The following CTSB variants were observed in gnomAD, a reference collection of about 807,000 sequenced individuals.
CTSB encodes the protein cathepsin B.
In CTSB, 57 loss-of-function variants were observed where a neutral mutation model predicts 44.3. That is an observed-to-expected ratio of 1.29 (90% CI 1.04 to 1.60). CTSB has a LOEUF of 1.60. Among genes scored for constraint, CTSB ranks in the 40% most tolerant of loss-of-function variants. The pLI, the probability that CTSB is intolerant of heterozygous loss-of-function variation, is 0.00. For missense variants in CTSB, 768 were observed against 443.0 expected (o/e 1.73, Z -6.59); for synonymous variants, 320 against 168.0 (o/e 1.91, Z -7.00).
rs755898446 is a variant in CTSB, at chr8:11,847,058, TGTAGAGCA to T, written c.779_786del (p.Leu260GlnfsTer41). ...ATCAGCCATCAGCACGCACCTGACT[TGTAGAGCA>T]GGAAGTCCGAATACACAGAGAAAGC... On this transcript the variant is annotated frameshift_variant, in exon 8 of 10. Coordinates refer to ENST00000353047, the MANE Select transcript of CTSB (RefSeq NM_001908.5). LOFTEE classifies it high-confidence loss of function. 6.3e-7 allele frequency: 1 copy of T among 1,586,232 alleles called. No individual in the cohort carries two copies. The highest frequency in any genetic ancestry group is 8.7e-7 in the Non-Finnish European group (1 of 1,154,766).
intron 1 of CTSB, among the ~76,000 whole-genome samples, chr8:11,866,602 G>A (rs1586218521): frequency 1.3e-5 from 2 of 152,312 alleles, no homozygotes; most frequent in South Asian, 2.1e-4. Context: ...TTCTTGGCCA[G>A]GCACCGTGAC....
intron 1 of CTSB, among the ~76,000 whole-genome samples, chr8:11,866,892 TTGGATTCAAAGAGAG>T (rs1000089744): frequency 1.2e-4 from 18 of 152,138 alleles, no homozygotes; most frequent in African/African-American, 4.3e-4. Context: ...TCCTGAACGT[TTGGATTCAAAGAGAG>T]TGCATCTCAG....
rs557940445 is a variant in CTSB, at chr8:11,847,490, A to G, written c.676+189T>C. ...GTTTGGAAGGGCTGAGGCTGAGTTC[A>G]GGGTGGAACAGGCAGAAAGTGGAGA... On this transcript the variant is annotated intron_variant, in intron 7 of 9. Transcript: ENST00000353047. Among the ~76,000 whole-genome samples, 26 of 152,296 alleles carry G rather than the reference A, an allele frequency of 1.7e-4. 1 individual carries two copies. Among genetic ancestry groups the G allele is most frequent in the African/African-American group, 6.3e-4 (26 of 41,558 alleles).
chr8:11,843,444 G>A lies in CTSB; in HGVS notation c.*1681C>T, dbSNP rs1458272743. On this transcript the variant is annotated 3_prime_UTR_variant, in exon 10 of 10. Transcript: ENST00000353047. ...GGGAGTACTGAGGTGTACCTTGGCA[G>A]GACAGTGGAATGATTGCTGGTTCTT... 1 of 152,250 alleles carries A rather than the reference G, an allele frequency of 6.6e-6. No individual in the cohort carries two copies. Among genetic ancestry groups the A allele is most frequent in the Non-Finnish European group, 1.5e-5 (1 of 68,060 alleles). The allele number at this position is 152,250 out of a possible 1,614,324, so 9.4% of individuals were successfully genotyped here.
chr8:11,844,147 G>GA lies in CTSB; in HGVS notation c.*977dup, dbSNP rs1812784835. 2.0e-5 allele frequency: 3 copies of GA among 152,246 alleles called. No homozygotes were observed. The highest frequency in any genetic ancestry group is 2.0e-4 in the Admixed American group (3 of 15,286). The allele number at this position is 152,246 out of a possible 1,614,324, so 9.4% of individuals were successfully genotyped here. On this transcript the variant is annotated 3_prime_UTR_variant, in exon 10 of 10. Transcript: ENST00000353047. ...GAGGATGACAGGGAACTAATTGGGG[G>GA]AGGGATGCCATGGTTGAAAACATGG...
At chr8:11,849,195 G>A in intron 4 of CTSB, 31 bp from the exon 5 acceptor site, 1 of 1,581,748 alleles carries the variant, frequency 6.3e-7, no homozygotes, top group African/African-American at 1.3e-5. Context: ...GGGTGAGGCT[G>A]CCATGTCCGG....
chr8:11,858,186 C>T (rs893365437), intron 1 of CTSB, among the ~76,000 whole-genome samples: 11 of 152,248 alleles, frequency 7.2e-5, no homozygotes, highest in Non-Finnish European at 1.2e-4. Context: ...CTCGCTCCAG[C>T]GGGCTCTGTT....
chr8:11,852,972 G>C (rs1814865870), intron 2 of CTSB, among the ~76,000 whole-genome samples: 1 of 152,126 alleles, frequency 6.6e-6, no homozygotes, highest in South Asian at 2.1e-4. Flanking sequence ...TCAGGGCTGG[G>C]CAGAGACAAA....
chr8:11,848,243 G>T (rs755858214), intron 5 of CTSB, 91 bp from the exon 6 acceptor site: 14 of 1,120,656 alleles, frequency 1.2e-5, no homozygotes, highest in Non-Finnish European at 1.8e-5. Context: ...GAGGCCACTC[G>T]TGGACCCACC....
rs1813270128 is a variant in CTSB, at chr8:11,846,075, A to AGT, written c.794-287_794-286insAC. ...TTTCTAATACATTCTAATTGATAAA[A>AGT]CATTTAATGCTAGATGACTGATTCA... On this transcript the variant is annotated intron_variant, in intron 8 of 9. Coordinates refer to ENST00000353047, the MANE Select transcript of CTSB (RefSeq NM_001908.5). 3 of 246,612 alleles carry AGT rather than the reference A, an allele frequency of 1.2e-5. No individual in the cohort carries two copies. The Admixed American group carries it at 1.7e-4, about 14-fold the overall frequency. 15.3% of individuals were successfully genotyped at this position (246,612 alleles called of 1,614,324 possible). A position where few individuals can be genotyped will look rare whatever the true frequency, so the allele number is the denominator to read the frequency against.
intron 1 of CTSB, among the ~76,000 whole-genome samples, chr8:11,857,440 G>A (rs76481141): frequency 2.0e-5 from 3 of 152,302 alleles, no homozygotes. Flanking sequence ...TGTCTCGTGG[G>A]CAGACAGCAG....
At chr8:11,867,898 T>G (rs1313512924) in intron 1 of CTSB, 103 bp downstream of exon 1, 1 of 143,440 alleles carries the variant, frequency 7.0e-6, no homozygotes, top group Admixed American at 6.8e-5. Context: ...GGGCCGCGCC[T>G]GGGCCCGACT....
Position 11,858,498 on chromosome 8 carries a change from C to T in CTSB, c.-25-5019G>A, listed in dbSNP as rs1436676905. The stretch of plus-strand genomic sequence containing the variant: ...AGAGATGGGGTTTTGCTATGTTGCC[C>T]AGGCTGGTCTCAAACTCCTGGACTC... On this transcript the variant is annotated intron_variant, in intron 1 of 9. Transcript: ENST00000353047. Among the ~76,000 whole-genome samples the T allele has an allele frequency of 2.0e-5, 3 of 152,128 alleles. No individual in the cohort carries two copies. The East Asian group carries it at 5.8e-4, about 29-fold the overall frequency.
chr8:11,849,813 T>A (rs1814218498), intron 4 of CTSB, among the ~76,000 whole-genome samples: 1 of 152,086 alleles, frequency 6.6e-6, no homozygotes, highest in African/African-American at 2.4e-5. Flanking sequence ...ACTCCTGACC[T>A]CAGGTGATCC....
intron 1 of CTSB, among the ~76,000 whole-genome samples, chr8:11,860,934 C>T (rs945510873): frequency 3.3e-5 from 5 of 152,242 alleles, no homozygotes. Context: ...CTGCCAGACA[C>T]ACCTCAATGC....
chr8:11,858,705 T>G (rs915162355), intron 1 of CTSB, among the ~76,000 whole-genome samples: 1 of 152,226 alleles, frequency 6.6e-6, no homozygotes, highest in South Asian at 2.1e-4. Context: ...ACAGAGGTCC[T>G]GACAGCAGTG....
rs910054034 is a variant in CTSB, at chr8:11,847,659, C to G, written c.676+20G>C. The stretch of plus-strand genomic sequence containing the variant: ...TCCCCAGCCTCCACGTGCGCCGTGG[C>G]CAGGCCCCAGGCCCCTTACCGTAGT... On this transcript the variant is annotated intron_variant, in intron 7 of 9. Transcript: ENST00000353047. The G allele has an allele frequency of 1.3e-6, 2 of 1,491,354 alleles. No individual in the cohort carries two copies. Among genetic ancestry groups the G allele is most frequent in the South Asian group, 2.7e-5 (2 of 74,448 alleles). The allele number at this position is 1,491,354 out of a possible 1,614,324, so 92.4% of individuals were successfully genotyped here.
intron 6 of CTSB, 61 bp downstream of exon 6, chr8:11,848,006 A>C (rs1813767298): frequency 7.0e-7 from 1 of 1,432,898 alleles, no homozygotes; most frequent in African/African-American, 1.4e-5. Context: ...AAATAAAGCC[A>C]TGATGGTTAA....
chr8:11,862,737 G>C (rs531930072), intron 1 of CTSB, among the ~76,000 whole-genome samples: 1 of 152,254 alleles, frequency 6.6e-6, no homozygotes, highest in Non-Finnish European at 1.5e-5. Flanking sequence ...GTGACTGTGT[G>C]TGTGCACATT....
Sources: allele counts gnomAD v4.1 joint callset (sites outside exome capture counted in the v4.1 genomes callset), GRCh38; gene constraint gnomAD v4.1.1; transcripts MANE v1.5; gene names NCBI Gene and HGNC (gene_info 2026-07-23, HGNC 2026-07-21).